KIAA1549L: variants seen among roughly 807,000 people sequenced by gnomAD.
KIAA1549L encodes UPF0606 protein KIAA1549L.
KIAA1549L carries 88 observed loss-of-function variants against 160.7 expected under a neutral mutation model. The observed-to-expected ratio is 0.55, with a 90% CI of 0.46 to 0.65. The LOEUF is 0.65. KIAA1549L is among the 30% of genes least tolerant of loss of function. The pLI, the probability that KIAA1549L is intolerant of heterozygous loss-of-function variation, is 0.00. For synonymous variants in KIAA1549L, 950 were observed against 976.7 expected (o/e 0.97, Z 0.51); for missense variants, 2,258 against 2,437.5 (o/e 0.93, Z 1.55).
intron 11 of KIAA1549L, among the ~76,000 whole-genome samples, chr11:33,586,816 T>C (rs2064434): frequency 0.72 from 109,452 of 152,030 alleles, 40,467 homozygotes; most frequent in African/African-American, 0.9. Flanking sequence ...TCAGTTGCTT[T>C]ATCTGTAAAC....
At chr11:33,609,700 G>A in intron 14 of KIAA1549L, 49 bp from the exon 15 acceptor site, 1 of 1,443,156 alleles carries the variant, frequency 6.9e-7, no homozygotes, top group Non-Finnish European at 9.6e-7. Context: ...TCTCCCACCT[G>A]CCGGCCCCAC....
intron 17 of KIAA1549L, among the ~76,000 whole-genome samples, chr11:33,655,252 G>GACATAC (rs1426626399): frequency 7.7e-4 from 117 of 152,096 alleles, no homozygotes; most frequent in African/African-American, 2.6e-3. Context: ...GATTGCAAAA[G>GACATAC]ACATACACAC....
At chr11:33,658,680 G>A (rs184501150) in intron 18 of KIAA1549L, 70 bp from the exon 19 acceptor site, 55 of 1,486,490 alleles carry the variant, frequency 3.7e-5, no homozygotes, top group Middle Eastern at 2.3e-4. Context: ...GTGACGGGGC[G>A]CACTCCTCCT....
Position 33,673,449 on chromosome 11 carries a change from C to T in KIAA1549L, c.*5295C>T, listed in dbSNP as rs569857031. On this transcript the variant is annotated 3_prime_UTR_variant, in exon 21 of 21. Transcript: ENST00000658780. Reference sequence around the variant, plus strand: ...AAACTGAGAAAAGATTTGTATCAAACAGAATCAGAGGCATATGAATGGACT... The same window carrying T: ...AAACTGAGAAAAGATTTGTATCAAATAGAATCAGAGGCATATGAATGGACT... 1 of 152,236 alleles carries T rather than the reference C, an allele frequency of 6.6e-6. No homozygotes were observed. Among genetic ancestry groups the T allele is most frequent in the Admixed American group, 6.5e-5 (1 of 15,294 alleles). 9.4% of individuals were successfully genotyped at this position (152,236 alleles called of 1,614,324 possible).
intron 1 of KIAA1549L, among the ~76,000 whole-genome samples, chr11:33,471,509 TCTC>T (rs1852177610): frequency 6.6e-6 from 1 of 152,186 alleles, no homozygotes; most frequent in Non-Finnish European, 1.5e-5. Context: ...TCATTCCAGA[TCTC>T]CCTATTCCTA....
chr11:33,634,810 G>C (rs1389447674), intron 16 of KIAA1549L, among the ~76,000 whole-genome samples: 1 of 152,116 alleles, frequency 6.6e-6, no homozygotes, highest in Non-Finnish European at 1.5e-5. Flanking sequence ...GTCTATGAGA[G>C]ACCCTTTATA....
At chr11:33,504,456 C>T (rs1853032173) in intron 1 of KIAA1549L, among the ~76,000 whole-genome samples, 1 of 151,822 alleles carries the variant, frequency 6.6e-6, no homozygotes, top group Non-Finnish European at 1.5e-5. Flanking sequence ...CTTCCCTTCC[C>T]TTCCCTTTCC....
chr11:33,543,941 C>T lies in KIAA1549L; in HGVS notation c.2378C>T (p.Thr793Ile), dbSNP rs1854134257. ...CAGCCTGTGCAACAGTCAGACATGACCATGGTTGGAAGCCATATAGACCTC... is the reference window on the plus strand; with the variant it reads ...CAGCCTGTGCAACAGTCAGACATGATCATGGTTGGAAGCCATATAGACCTC... ...IEQPVQQSDM[T>I]MVGSHIDLWP... The change falls in exon 2 of 21, where the codon ACC becomes ATC. Residue 793 changes from threonine to isoleucine, a missense_variant. Physicochemically the swap from Thr to Ile is moderately conservative, Grantham distance 89. Around this residue, in one of 6 missense-constraint regions of KIAA1549L, gnomAD observed 287 missense variants for 292.3 expected, o/e 0.98. Coordinates refer to ENST00000658780, the MANE Select transcript of KIAA1549L (RefSeq NM_012194.3). 1.2e-6 allele frequency: 2 copies of T among 1,613,880 alleles called. No homozygotes were observed. The highest frequency in any genetic ancestry group is 2.2e-5 in the East Asian group (1 of 44,896).
intron 1 of KIAA1549L, among the ~76,000 whole-genome samples, chr11:33,501,078 A>T (rs946097786): frequency 1.3e-5 from 2 of 152,142 alleles, no homozygotes; most frequent in African/African-American, 4.8e-5. Flanking sequence ...ATCTTCTTCC[A>T]GGATTATGAT....
chr11:33,573,293 T>C (rs940492845), intron 9 of KIAA1549L, among the ~76,000 whole-genome samples: 2 of 152,166 alleles, frequency 1.3e-5, no homozygotes, highest in African/African-American at 2.4e-5. Flanking sequence ...TACTCCCTTC[T>C]TCCCTCTTCA....
intron 1 of KIAA1549L, among the ~76,000 whole-genome samples, chr11:33,455,768 A>G (rs1006598316): frequency 6.6e-6 from 1 of 152,226 alleles, no homozygotes. Context: ...GCTATTGGTT[A>G]ATTCCATGCT....
At chr11:33,538,160 A>G (rs1173737492) in intron 1 of KIAA1549L, among the ~76,000 whole-genome samples, 1 of 152,192 alleles carries the variant, frequency 6.6e-6, no homozygotes, top group Non-Finnish European at 1.5e-5. Flanking sequence ...AGAGCCCCTT[A>G]TAAAACCAGA....
chr11:33,664,676 G>A (rs1262846496), intron 20 of KIAA1549L, among the ~76,000 whole-genome samples: 2 of 152,224 alleles, frequency 1.3e-5, no homozygotes, highest in Non-Finnish European at 2.9e-5. Context: ...ATAGTGAAAA[G>A]AAAGACAGCT....
intron 13 of KIAA1549L, among the ~76,000 whole-genome samples, chr11:33,600,230 G>A (rs1487683393): frequency 1.3e-5 from 2 of 152,200 alleles, no homozygotes; most frequent in African/African-American, 2.4e-5. Context: ...GAAATGGGGT[G>A]TGACCTGTGG....
At chr11:33,632,699 C>T (rs1446371692) in intron 16 of KIAA1549L, among the ~76,000 whole-genome samples, 2 of 152,160 alleles carry the variant, frequency 1.3e-5, no homozygotes, top group Non-Finnish European at 2.9e-5. Flanking sequence ...CCTCCTCAGC[C>T]TCCCAAGTAG....
chr11:33,667,862 G>A lies in KIAA1549L; in HGVS notation c.6160-11G>A, dbSNP rs760959781. On this transcript the variant is annotated splice_polypyrimidine_tract_variant and intron_variant, in intron 20 of 20. Coordinates refer to ENST00000658780, the MANE Select transcript of KIAA1549L (RefSeq NM_012194.3). The stretch of plus-strand genomic sequence containing the variant: ...CCAGGCCCTGTCCTTCTCTCCCCAC[G>A]CCCTCTGCAGGTGCCCCTCCCAGGG... 19 of 1,602,694 alleles carry A rather than the reference G, an allele frequency of 1.2e-5. 1 individual carries two copies. The highest frequency in any genetic ancestry group is 1.1e-4 in the African/African-American group (8 of 74,408).
intron 1 of KIAA1549L, among the ~76,000 whole-genome samples, chr11:33,425,721 C>G (rs145455558): frequency 3.5e-4 from 54 of 152,282 alleles, no homozygotes; most frequent in African/African-American, 1.2e-3. Flanking sequence ...TTGCATCACA[C>G]GTCATATGGA....
chr11:33,639,525 A>G (rs1288507935), intron 16 of KIAA1549L, among the ~76,000 whole-genome samples: 1 of 152,126 alleles, frequency 6.6e-6, no homozygotes, highest in Non-Finnish European at 1.5e-5. Context: ...TCATGATTAT[A>G]TGCAAAGTTC....
intron 17 of KIAA1549L, among the ~76,000 whole-genome samples, chr11:33,649,112 C>G (rs575962651): frequency 1.3e-5 from 2 of 152,298 alleles, no homozygotes; most frequent in South Asian, 4.1e-4. Flanking sequence ...AGCTGCCTAA[C>G]TTCAAATCCC....
Sources: allele counts gnomAD v4.1 joint callset (sites outside exome capture counted in the v4.1 genomes callset), GRCh38; gene constraint gnomAD v4.1.1; regional missense constraint gnomAD v4.1.1; transcripts MANE v1.5; gene names NCBI Gene and HGNC (gene_info 2026-07-23, HGNC 2026-07-21).